FBXL17: variants seen among roughly 807,000 people sequenced by gnomAD.
FBXL17 encodes the protein F-box and leucine rich repeat protein 17, also known as F-box/LRR-repeat protein 17.
In FBXL17, 22 loss-of-function variants were observed where a neutral mutation model predicts 66.2. The observed-to-expected ratio is 0.33, with a 90% CI of 0.24 to 0.47. The LOEUF (loss-of-function observed/expected upper bound fraction) is 0.47, where lower values mean the gene tolerates loss of function less well. FBXL17 is among the 20% of genes least tolerant of loss of function. The probability of loss-of-function intolerance (pLI) is 1.00; values close to 1 mark genes in which losing one functional copy is unlikely to be tolerated. For synonymous variants in FBXL17, 474 were observed against 400.5 expected (o/e 1.18, Z -2.19); for missense variants, 878 against 948.2 (o/e 0.93, Z 0.97).
At chr5:108,177,672 G>A (rs1267558002) in intron 6 of FBXL17, among the ~76,000 whole-genome samples, 2 of 151,774 alleles carry the variant, frequency 1.3e-5, no homozygotes, top group African/African-American at 4.8e-5. Context: ...TTCATGGTAG[G>A]AGCTTGAACT....
At chr5:108,173,872 T>A (rs1752697445) in intron 6 of FBXL17, among the ~76,000 whole-genome samples, 1 of 152,346 alleles carries the variant, frequency 6.6e-6, no homozygotes, top group South Asian at 2.1e-4. Flanking sequence ...GAGAAACAGC[T>A]GGAAACTTAA....
rs182902809 is a variant in FBXL17 at position 108,066,203 on chromosome 5, T to C, written c.1746-45202A>G. On this transcript the variant is annotated intron_variant, in intron 6 of 8. Coordinates refer to ENST00000542267, the MANE Select transcript of FBXL17 (RefSeq NM_001163315.3). Reference sequence around the variant, plus strand: ...ATTGATTATAAAGAAGGTCATGAAATCTAAGAGATTATTCAAACTCAGCTA... The same window carrying C: ...ATTGATTATAAAGAAGGTCATGAAACCTAAGAGATTATTCAAACTCAGCTA... Among the ~76,000 whole-genome samples the C allele has an allele frequency of 3.9e-5, 6 of 152,226 alleles. No individual in the cohort carries two copies. The East Asian group carries it at 1.2e-3, about 29-fold the overall frequency.
intron 6 of FBXL17, among the ~76,000 whole-genome samples, chr5:108,032,351 C>T (rs1012719649): frequency 2.0e-5 from 3 of 152,058 alleles, no homozygotes; most frequent in African/African-American, 7.2e-5. Flanking sequence ...GAACCTGGCA[C>T]ACTTAAAAAA....
intron 7 of FBXL17, among the ~76,000 whole-genome samples, chr5:107,940,662 G>A (rs1485114248): frequency 6.6e-6 from 1 of 152,142 alleles, no homozygotes; most frequent in Non-Finnish European, 1.5e-5. Flanking sequence ...TTATCTGGGA[G>A]GGTAATGGGT....
chr5:108,083,250 C>CATACACAG (rs369652150), intron 6 of FBXL17, among the ~76,000 whole-genome samples: 1 of 145,582 alleles, frequency 6.9e-6, no homozygotes, highest in Non-Finnish European at 1.5e-5. Context: ...CACACACACA[C>CATACACAG]AGAGAGAGAG....
At chr5:107,927,330 C>T (rs1315278779) in intron 7 of FBXL17, among the ~76,000 whole-genome samples, 1 of 151,936 alleles carries the variant, frequency 6.6e-6, no homozygotes, top group East Asian at 1.9e-4. Flanking sequence ...AGGCAATTAA[C>T]TGTATGAGGG....
intron 4 of FBXL17, chr5:108,298,494 T>G: frequency 1.0e-6 from 1 of 977,538 alleles, no homozygotes; most frequent in Non-Finnish European, 1.2e-6. Context: ...CCCTAAGTTT[T>G]TCTTTATAAA....
intron 4 of FBXL17, among the ~76,000 whole-genome samples, chr5:108,268,622 C>CAGA (rs1757139087): frequency 6.8e-6 from 1 of 147,276 alleles, no homozygotes; most frequent in Non-Finnish European, 1.5e-5. Context: ...AGGTAGAATT[C>CAGA]AAACTGAAAA....
intron 6 of FBXL17, among the ~76,000 whole-genome samples, chr5:108,138,294 A>C (rs1751220433): frequency 6.6e-6 from 1 of 152,184 alleles, no homozygotes; most frequent in Non-Finnish European, 1.5e-5. Flanking sequence ...CTTCTCTCAC[A>C]CATCTGGCCA....
chr5:108,166,069 C>G (rs1752403393), intron 6 of FBXL17, among the ~76,000 whole-genome samples: 1 of 152,178 alleles, frequency 6.6e-6, no homozygotes, highest in African/African-American at 2.4e-5. Context: ...TAACATTTCA[C>G]TTTCATACAG....
intron 7 of FBXL17, among the ~76,000 whole-genome samples, chr5:108,018,981 A>T (rs1198543403): frequency 6.6e-6 from 1 of 152,188 alleles, no homozygotes; most frequent in Non-Finnish European, 1.5e-5. Flanking sequence ...AACTAAAATA[A>T]TTCAGAGACA....
At chr5:108,260,094 G>C (rs182078529) in intron 4 of FBXL17, among the ~76,000 whole-genome samples, 1 of 151,554 alleles carries the variant, frequency 6.6e-6, no homozygotes, top group Admixed American at 6.6e-5. Context: ...GGAGGAAACC[G>C]GTTGTTGGAA....
chr5:108,330,320 TCGAGAAAAGC>T (rs886122005), intron 4 of FBXL17, among the ~76,000 whole-genome samples: 2 of 152,180 alleles, frequency 1.3e-5, no homozygotes, highest in Non-Finnish European at 2.9e-5. Flanking sequence ...CTGATCTACA[TCGAGAAAAGC>T]CAATCAGCTA....
intron 5 of FBXL17, among the ~76,000 whole-genome samples, chr5:108,202,507 G>GTA (rs1359259607): frequency 1.3e-5 from 2 of 152,114 alleles, no homozygotes; most frequent in Non-Finnish European, 1.5e-5. Flanking sequence ...AGGTAGAAGA[G>GTA]TATATCCCAG....
At chr5:108,138,002 A>G (rs990702479) in intron 6 of FBXL17, among the ~76,000 whole-genome samples, 1 of 152,098 alleles carries the variant, frequency 6.6e-6, no homozygotes, top group Admixed American at 6.6e-5. Context: ...AGTTTTCTAG[A>G]ATTTTTTGTC....
intron 4 of FBXL17, among the ~76,000 whole-genome samples, chr5:108,264,214 C>CA (rs35346820): frequency 0.39 from 21,390 of 55,458 alleles, 5,456 homozygotes; most frequent in South Asian, 0.52. Context: ...GACTCTTTCT[C>CA]AAAAAAAAAA....
In FBXL17 at chr5:107,859,558, C is replaced by A; in HGVS notation, c.*2162G>T. 1 of 147,118 alleles carries A rather than the reference C, an allele frequency of 6.8e-6. No individual in the cohort carries two copies. Among genetic ancestry groups the A allele is most frequent in the Admixed American group, 6.8e-5 (1 of 14,716 alleles). 9.1% of individuals were successfully genotyped at this position (147,118 alleles called of 1,614,324 possible). On this transcript the variant is annotated 3_prime_UTR_variant, in exon 9 of 9. Transcript: ENST00000542267. ...ATAAGTGCAAGTCCCCACCCCACCC[C>A]CACCCCCCCAAGCTAAAGCATGTTA...
intron 4 of FBXL17, among the ~76,000 whole-genome samples, chr5:108,256,838 TAA>T (rs1384155460): frequency 4.6e-5 from 7 of 151,528 alleles, no homozygotes; most frequent in Non-Finnish European, 1.0e-4. Context: ...CTGAGGTAAA[TAA>T]GTGTATTTTT....
intron 4 of FBXL17, among the ~76,000 whole-genome samples, chr5:108,251,240 C>T (rs923339734): frequency 1.3e-4 from 20 of 151,990 alleles, no homozygotes; most frequent in Non-Finnish European, 5.9e-5. Context: ...CTCCTGCCAT[C>T]ACCAGAAATT....
Sources: gnomAD v4.1 joint callset for allele counts (sites outside exome capture counted in the v4.1 genomes callset) on GRCh38, gnomAD v4.1.1 for gene constraint, MANE v1.5 for transcripts, NCBI Gene and HGNC (gene_info 2026-07-23, HGNC 2026-07-21) for gene names.